The following APTX variants were observed in gnomAD, a reference collection of about 807,000 sequenced individuals.
APTX encodes aprataxin, also known as forkhead-associated domain histidine triad-like protein.
In APTX, 33 loss-of-function variants were observed where a neutral mutation model predicts 42.3. The ratio of observed to expected loss-of-function variants is 0.78; its 90% CI spans 0.59 to 1.04. The LOEUF is 1.04. Ranked by LOEUF, APTX falls within the 50% of genes least tolerant of loss-of-function variation. The pLI is 0.00. For missense variants in APTX, 421 were observed against 415.1 expected (o/e 1.01, Z -0.12); for synonymous variants, 130 against 146.7 (o/e 0.89, Z 0.82).
chr9:33,019,413 A>G (rs1838181272), intron 1 of APTX, among the ~76,000 whole-genome samples: 1 of 152,220 alleles, frequency 6.6e-6, no homozygotes, highest in African/African-American at 2.4e-5. Flanking sequence ...AAATTAATTT[A>G]TACAAACATA....
intron 5 of APTX, among the ~76,000 whole-genome samples, chr9:32,985,239 G>T (rs1247483937): frequency 6.6e-6 from 1 of 152,106 alleles, no homozygotes; most frequent in Non-Finnish European, 1.5e-5. Context: ...CGTACACGTG[G>T]GTTCCAGTGA....
chr9:32,979,409 T>C (rs1262213763), intron 6 of APTX, among the ~76,000 whole-genome samples: 2 of 152,238 alleles, frequency 1.3e-5, no homozygotes, highest in African/African-American at 4.8e-5. Context: ...CCATGGTGTA[T>C]ATGTACCACA....
chr9:33,011,565 A>G (rs143188562), intron 1 of APTX, among the ~76,000 whole-genome samples: 10,734 of 152,210 alleles, frequency 0.071, 514 homozygotes, highest in Non-Finnish European at 0.11. Context: ...GATTACAGGC[A>G]TGAGCCACCG....
At chr9:33,018,461 G>A (rs28390989) in intron 1 of APTX, among the ~76,000 whole-genome samples, 10,551 of 150,026 alleles carry the variant, frequency 0.07, 496 homozygotes, top group Non-Finnish European at 0.11. Context: ...CCAGCTACTC[G>A]GGAGGCTGAG....
Position 32,972,670 on chromosome 9 carries a change from T to A in APTX, c.*828A>T. 1 of 436,774 alleles carries A rather than the reference T, an allele frequency of 2.3e-6. No homozygotes were observed. Among genetic ancestry groups the A allele is most frequent in the South Asian group, 1.6e-5 (1 of 61,524 alleles). The allele number at this position is 436,774 out of a possible 1,614,324, so 27.1% of individuals were successfully genotyped here. A position where few individuals can be genotyped will look rare whatever the true frequency, so the allele number is the denominator to read the frequency against. On this transcript the variant is annotated 3_prime_UTR_variant, in exon 8 of 8. Coordinates refer to ENST00000379817, the MANE Select transcript of APTX (RefSeq NM_001195248.2). The stretch of plus-strand genomic sequence containing the variant: ...AAGAAAGTAGTGGCTCTACGCAACT[T>A]TTTCATTCACCAACCACCTTTCCAT...
Position 32,972,817 on chromosome 9 carries a change from A to C in APTX, c.*681T>G, listed in dbSNP as rs1245327363. 1 of 454,136 alleles carries C rather than the reference A, an allele frequency of 2.2e-6. No individual in the cohort carries two copies. Among genetic ancestry groups the C allele is most frequent in the Admixed American group, 2.3e-5 (1 of 42,570 alleles). 28.1% of individuals were successfully genotyped at this position (454,136 alleles called of 1,614,324 possible). On this transcript the variant is annotated 3_prime_UTR_variant, in exon 8 of 8. Transcript: ENST00000379817. ...CAGGTCCAAGAAGACTTCACAGCTC[A>C]ATCATGACGAACATGTGGCTGTTTC... is the stretch of plus-strand genomic sequence containing the variant.
intron 1 of APTX, among the ~76,000 whole-genome samples, chr9:32,990,251 C>T (rs1424148292): frequency 6.6e-6 from 1 of 152,218 alleles, no homozygotes; most frequent in Non-Finnish European, 1.5e-5. Flanking sequence ...CGGCTCACGG[C>T]AACCTCCACC....
chr9:33,023,414 G>A (rs1220775395), intron 1 of APTX, among the ~76,000 whole-genome samples: 2 of 151,760 alleles, frequency 1.3e-5, no homozygotes, highest in Admixed American at 6.6e-5. Flanking sequence ...TAGTAGAGAA[G>A]GGTTTCACCA....
At chr9:32,993,146 C>A (rs1014299012) in intron 1 of APTX, among the ~76,000 whole-genome samples, 1 of 152,190 alleles carries the variant, frequency 6.6e-6, no homozygotes, top group Non-Finnish European at 1.5e-5. Flanking sequence ...GCATGGCTGG[C>A]AGATGCAGGA....
Position 32,994,976 on chromosome 9 carries a change from T to C in APTX, c.-4-5081A>G, listed in dbSNP as rs542104462. On this transcript the variant is annotated intron_variant, in intron 1 of 7. Transcript: ENST00000379817. Reference sequence around the variant, plus strand: ...GACGACAGCATGACTGACTGAATATTTTAAGATCTCTGTTAAGAACTACTG... The same window carrying C: ...GACGACAGCATGACTGACTGAATATCTTAAGATCTCTGTTAAGAACTACTG... Among the ~76,000 whole-genome samples, 40 of 152,328 alleles carry C rather than the reference T, an allele frequency of 2.6e-4. 1 individual carries two copies. In the South Asian group the frequency reaches 8.3e-3, roughly 32 times the overall value.
chr9:33,020,018 G>T, intron 1 of APTX: 1 of 403,518 alleles, frequency 2.5e-6, no homozygotes, highest in East Asian at 3.6e-5. Flanking sequence ...ACGTGCGGTG[G>T]GGGAGCTCCG....
rs143891089 is a variant in APTX, at chr9:32,975,289, G to A, written c.771-728C>T. On this transcript the variant is annotated intron_variant, in intron 6 of 7. Transcript: ENST00000379817. ...GGAAGCCATTGAAGGATTTTCAGCC[G>A]AAGAGTGCTACTATCTGATTTATAC... 1.8e-3 allele frequency among the ~76,000 whole-genome samples: 277 copies of A among 152,210 alleles called. 1 individual carries two copies. The highest frequency in any genetic ancestry group is 6.5e-3 in the African/African-American group (270 of 41,556).
chr9:32,978,702 C>A (rs1355121211), intron 6 of APTX, among the ~76,000 whole-genome samples: 1 of 152,172 alleles, frequency 6.6e-6, no homozygotes. Flanking sequence ...TGAGGTATCA[C>A]CTGTCCCATA....
At chr9:32,994,211 C>G (rs1587534556) in intron 1 of APTX, among the ~76,000 whole-genome samples, 1 of 152,194 alleles carries the variant, frequency 6.6e-6, no homozygotes, top group Admixed American at 6.5e-5. Flanking sequence ...AATTACCCAC[C>G]ACGTGACAAT....
chr9:32,997,513 A>T (rs1035828276), intron 1 of APTX, among the ~76,000 whole-genome samples: 12 of 152,204 alleles, frequency 7.9e-5, no homozygotes, highest in African/African-American at 2.9e-4. Context: ...CCTAAACTTT[A>T]TAACTGAGTC....
upstream of APTX, chr9:33,001,782 G>A (rs952507751): frequency 9.1e-6 from 7 of 773,408 alleles, no homozygotes; most frequent in South Asian, 4.9e-5. Context: ...TGAGGATCCT[G>A]GAAGTTATGC....
chr9:32,991,533 C>A (rs1226088597), intron 1 of APTX, among the ~76,000 whole-genome samples: 1 of 152,050 alleles, frequency 6.6e-6, no homozygotes, highest in African/African-American at 2.4e-5. Context: ...CCTGTAATCC[C>A]AGCACTTTGG....
rs113391831 is a variant in APTX at position 32,988,141 on chromosome 9, T to C, written c.134-12A>G. On this transcript the variant is annotated splice_polypyrimidine_tract_variant and intron_variant, in intron 2 of 7. Transcript: ENST00000379817. ...TGCTTTCAACTGTACTGAAAGAGATTGGAAAAAGTTAAACACAAATGCAAC... is the reference window on the plus strand; with the variant it reads ...TGCTTTCAACTGTACTGAAAGAGATCGGAAAAAGTTAAACACAAATGCAAC... The C allele has an allele frequency of 3.7e-6, 6 of 1,613,792 alleles. No individual in the cohort carries two copies. Among genetic ancestry groups the C allele is most frequent in the Non-Finnish European group, 5.1e-6 (6 of 1,179,646 alleles).
At position 32,984,778 on chromosome 9, in the gene APTX, G is replaced by T; in HGVS notation, c.623C>A (p.Thr208Asn). ...ARYHWLVLPW[T>N]SISSLKAVAR... ...CACAGCCTTCAGACTGGAAATGGAG[G>T]TCCACGGTAAGACCAGCCAATGGTA... The change falls in exon 6 of 8, where the codon ACC (threonine) becomes AAC (asparagine). Residue 208 changes from threonine (T) to asparagine (N), a missense_variant. Coordinates refer to ENST00000379817, the MANE Select transcript of APTX (RefSeq NM_001195248.2). The T allele has an allele frequency of 6.2e-7, 1 of 1,614,194 alleles. No homozygotes were observed. The highest frequency in any genetic ancestry group is 8.5e-7 in the Non-Finnish European group (1 of 1,180,034).
Sources: gnomAD v4.1 joint callset for allele counts (sites outside exome capture counted in the v4.1 genomes callset) on GRCh38, gnomAD v4.1.1 for gene constraint, MANE v1.5 for transcripts, NCBI Gene and HGNC (gene_info 2026-07-23, HGNC 2026-07-21) for gene names.